KANK4: variants seen among roughly 807,000 people sequenced by gnomAD.
The protein encoded by KANK4 is KN motif and ankyrin repeat domain-containing protein 4.
Under a neutral mutation model 80.8 loss-of-function variants are expected in KANK4, and 50 were observed. That is an observed-to-expected ratio of 0.62 (90% CI 0.49 to 0.78). The LOEUF (loss-of-function observed/expected upper bound fraction) is 0.78. Ranked by LOEUF, KANK4 falls within the 30% of genes least tolerant of loss-of-function variation. The pLI is 0.00. For synonymous variants in KANK4, 465 were observed against 506.9 expected (o/e 0.92, Z 1.11); for missense variants, 1,196 against 1,240.1 (o/e 0.96, Z 0.53).
Position 62,240,193 on chromosome 1 carries a change from T to TA in KANK4, c.2884-1813dup, listed in dbSNP as rs1434171147. Among the ~76,000 whole-genome samples the TA allele has an allele frequency of 3.9e-5, 6 of 152,374 alleles. No individual in the cohort carries two copies. In the East Asian group the frequency reaches 1.2e-3, roughly 29 times the overall value. On this transcript the variant is annotated intron_variant, in intron 9 of 9. Coordinates refer to ENST00000371153, the MANE Select transcript of KANK4 (RefSeq NM_181712.5). The stretch of plus-strand genomic sequence containing the variant: ...CAGCACCTGTTGTTTCCTGACTTTT[T>TA]AATGATCTCCATTCTAACTGGTGTA...
At chr1:62,267,504 T>C (rs192331279) in intron 5 of KANK4, among the ~76,000 whole-genome samples, 7 of 152,202 alleles carry the variant, frequency 4.6e-5, no homozygotes, top group African/African-American at 1.4e-4. Flanking sequence ...CCCATCACTT[T>C]AAAAGACACA....
At chr1:62,293,062 TTGTGTGTGTGTGTGTGTGTGTGTG>T (rs5774593) in intron 1 of KANK4, among the ~76,000 whole-genome samples, 2 of 146,682 alleles carry the variant, frequency 1.4e-5, no homozygotes, top group Admixed American at 6.8e-5. Flanking sequence ...GTCTCAATCT[TTGTGTGTGTGTGTGTGTGTGTGTG>T]TGTGTGTGTG....
At chr1:62,249,354 GTGCGTGTGTGTA>G (rs1671553363) in intron 8 of KANK4, among the ~76,000 whole-genome samples, 1 of 95,838 alleles carries the variant, frequency 1.0e-5, no homozygotes, top group Non-Finnish European at 2.1e-5. Flanking sequence ...GTTTGTGTGT[GTGCGTGTGTGTA>G]TATATATATA....
rs375997696 is a variant in KANK4, at chr1:62,299,471, A to G, written c.-70-17837T>C. Among the ~76,000 whole-genome samples, 6 of 152,272 alleles carry G rather than the reference A, an allele frequency of 3.9e-5. No individual in the cohort carries two copies. In the South Asian group the frequency reaches 1.0e-3, roughly 26 times the overall value. ...ATGACCCCACAACATGGCACAGTAC[A>G]GGACCGGGGGTGCAGAGGTAGAGAA... On this transcript the variant is annotated intron_variant, in intron 1 of 9. Coordinates refer to ENST00000371153, the MANE Select transcript of KANK4 (RefSeq NM_181712.5).
intron 7 of KANK4, among the ~76,000 whole-genome samples, chr1:62,258,073 G>A (rs1671792077): frequency 6.6e-6 from 1 of 152,214 alleles, no homozygotes; most frequent in South Asian, 2.1e-4. Context: ...CCCAGATTAA[G>A]AGACTGATCG....
chr1:62,296,979 G>A (rs1644370595), intron 1 of KANK4, among the ~76,000 whole-genome samples: 1 of 152,168 alleles, frequency 6.6e-6, no homozygotes, highest in East Asian at 1.9e-4. Context: ...CACTTTGGGA[G>A]GCCGAGGCGG....
chr1:62,308,032 C>T (rs882334), intron 1 of KANK4, among the ~76,000 whole-genome samples: 86,519 of 151,920 alleles, frequency 0.57, 25,378 homozygotes, highest in East Asian at 0.79. Flanking sequence ...ACCCCGTATC[C>T]ACCCTGTAGG....
At chr1:62,254,562 T>G (rs997086669) in intron 7 of KANK4, among the ~76,000 whole-genome samples, 3 of 150,804 alleles carry the variant, frequency 2.0e-5, no homozygotes, top group Non-Finnish European at 3.0e-5. Flanking sequence ...CATTTTTTTT[T>G]TTGTTTTTTT....
chr1:62,305,224 T>G (rs955738514), intron 1 of KANK4, among the ~76,000 whole-genome samples: 5 of 152,190 alleles, frequency 3.3e-5, no homozygotes, highest in Non-Finnish European at 7.3e-5. Flanking sequence ...CTTCAGAAAT[T>G]TTCCTGCAGC....
At chr1:62,280,024 T>C (rs772996130) in intron 2 of KANK4, among the ~76,000 whole-genome samples, 1 of 152,022 alleles carries the variant, frequency 6.6e-6, no homozygotes, top group Non-Finnish European at 1.5e-5. Context: ...AGAACCACAG[T>C]AATTATCTGA....
intron 9 of KANK4, among the ~76,000 whole-genome samples, chr1:62,243,934 T>C (rs1440181671): frequency 1.3e-5 from 2 of 152,162 alleles, no homozygotes; most frequent in Admixed American, 6.5e-5. Flanking sequence ...GTAAATGCCA[T>C]GTTCCCTGCT....
At chr1:62,317,612 A>G (rs1644552310) in intron 1 of KANK4, among the ~76,000 whole-genome samples, 1 of 152,142 alleles carries the variant, frequency 6.6e-6, no homozygotes. Context: ...CCACTCTGCT[A>G]CTCACCTTAG....
At chr1:62,279,191 A>AGCGC (rs766521694) in intron 2 of KANK4, among the ~76,000 whole-genome samples, 76 of 139,422 alleles carry the variant, frequency 5.5e-4, no homozygotes, top group South Asian at 3.6e-3. Flanking sequence ...TTCCTAAGCT[A>AGCGC]GCGCGCGCAC....
chr1:62,317,338 G>A (rs1644549977), intron 1 of KANK4, among the ~76,000 whole-genome samples: 2 of 152,184 alleles, frequency 1.3e-5, no homozygotes, highest in African/African-American at 4.8e-5. Flanking sequence ...GGAATGAACC[G>A]CTCGCTGCTC....
chr1:62,244,855 C>T lies in KANK4; in HGVS notation c.2883+2617G>A, dbSNP rs142819305. On this transcript the variant is annotated intron_variant, in intron 9 of 9. Coordinates refer to ENST00000371153, the MANE Select transcript of KANK4 (RefSeq NM_181712.5). ...ACAGGCAGAAGCCACTGCACCTGGC[C>T]TCATGAGCGTTTAAAGTCCATGCTT... is the stretch of plus-strand genomic sequence containing the variant. Among the ~76,000 whole-genome samples, 249 of 152,282 alleles carry T rather than the reference C, an allele frequency of 1.6e-3. 1 individual carries two copies. The highest frequency in any genetic ancestry group is 2.5e-3 in the Non-Finnish European group (170 of 68,024).
chr1:62,258,661 G>C (rs752226599), intron 7 of KANK4, among the ~76,000 whole-genome samples: 1 of 152,172 alleles, frequency 6.6e-6, no homozygotes, highest in Non-Finnish European at 1.5e-5. Context: ...CACCTACTAG[G>C]AACCAGGAAC....
At chr1:62,285,591 G>C (rs1242171627) in intron 1 of KANK4, among the ~76,000 whole-genome samples, 2 of 152,106 alleles carry the variant, frequency 1.3e-5, no homozygotes, top group African/African-American at 4.8e-5. Flanking sequence ...TCCCAGAGCA[G>C]GCTGCATGCC....
At position 62,319,138 on chromosome 1, in the gene KANK4, G is replaced by GC. The variant is rs886125227; in HGVS notation, c.-104dup. 1 of 152,414 alleles carries GC rather than the reference G, an allele frequency of 6.6e-6. No individual in the cohort carries two copies. The highest frequency in any genetic ancestry group is 2.1e-4 in the South Asian group (1 of 4,834). 9.4% of individuals were successfully genotyped at this position (152,414 alleles called of 1,614,324 possible). On this transcript the variant is annotated 5_prime_UTR_variant, in exon 1 of 10. Transcript: ENST00000371153. The stretch of plus-strand genomic sequence containing the variant: ...AGCTGCGGAAGTCCTGCGCGAGGCG[G>GC]CCCGCGGTGCACGGGGCCGGGGCAG...
At position 62,274,473 on chromosome 1, in the gene KANK4, C is replaced by T. The variant is rs770189700; in HGVS notation, c.631G>A (p.Ala211Thr). 2 of 1,614,202 alleles carry T rather than the reference C, an allele frequency of 1.2e-6. No homozygotes were observed. The highest frequency in any genetic ancestry group is 8.5e-7 in the Non-Finnish European group (1 of 1,180,044). ...DGTFEPAEGL[A>T]GFHSSSPRAS... ...CGTGGGCTGGAGCTGTGGAAACCTG[C>T]CAATCCTTCTGCAGGTTCAAAGGTG... Residue 211 changes from alanine (A) to threonine (T), a missense_variant, in exon 3 of 10, where the codon GCA becomes ACA. Transcript: ENST00000371153.
Sources: allele counts gnomAD v4.1 joint callset (sites outside exome capture counted in the v4.1 genomes callset), GRCh38; gene constraint gnomAD v4.1.1; transcripts MANE v1.5; gene names NCBI Gene and HGNC (gene_info 2026-07-23, HGNC 2026-07-21).